Variants in PTK2B observed in about 807,000 individuals in gnomAD.
PTK2B encodes protein tyrosine kinase 2 beta.
PTK2B carries 71 observed loss-of-function variants against 142.9 expected under a neutral mutation model. That is an observed-to-expected ratio of 0.50 (90% CI 0.41 to 0.61). The LOEUF is 0.61. Among genes scored for constraint, PTK2B ranks in the 20% least tolerant of loss-of-function variants. The pLI is 0.00. For synonymous variants in PTK2B, 519 were observed against 503.4 expected (o/e 1.03, Z -0.42); for missense variants, 1,105 against 1,320.4 (o/e 0.84, Z 2.53).
intron 1 of PTK2B, among the ~76,000 whole-genome samples, chr8:27,377,375 C>T (rs900168416): frequency 6.6e-6 from 1 of 152,216 alleles, no homozygotes; most frequent in African/African-American, 2.4e-5. Flanking sequence ...ATAGTGCTAA[C>T]ATGCCCAATT....
In PTK2B at chr8:27,353,335, T is replaced by C. The variant is rs115160919; in HGVS notation, c.-38+27654T>C. ...CAGGCTAGTCAGTCACCCTTGGCTT[T>C]GGGATGGCACTCCTTGTCCAAGAAA... On this transcript the variant is annotated intron_variant, in intron 1 of 30. Transcript: ENST00000346049. Among the ~76,000 whole-genome samples the C allele has an allele frequency of 4.9e-3, 740 of 152,254 alleles. 5 individuals carry two copies. The highest frequency in any genetic ancestry group is 0.017 in the African/African-American group (713 of 41,528).
In PTK2B at chr8:27,451,131, G is replaced by A. The variant is rs558082524; in HGVS notation, c.2523+53G>A. The A allele has an allele frequency of 2.6e-4, 408 of 1,576,664 alleles. 2 individuals carry two copies. Among genetic ancestry groups the A allele is most frequent in the Middle Eastern group, 2.4e-3 (14 of 5,918 alleles). ...CCATGCCAAGGCCTGGGAAGGCCTC[G>A]CCCACCATAGGACCCCCCGCCCAAC... On this transcript the variant is annotated intron_variant, in intron 26 of 30. Transcript: ENST00000346049.
intron 1 of PTK2B, among the ~76,000 whole-genome samples, chr8:27,338,719 A>G (rs926903516): frequency 5.3e-5 from 8 of 152,358 alleles, no homozygotes; most frequent in African/African-American, 1.9e-4. Context: ...AAAATAAGAT[A>G]ATTGAGAAAG....
intron 1 of PTK2B, among the ~76,000 whole-genome samples, chr8:27,328,572 GT>G (rs1398788276): frequency 6.6e-6 from 1 of 152,208 alleles, no homozygotes. Context: ...CCCTTGGATT[GT>G]TTGCCCAGGT....
chr8:27,420,298 C>T (rs1189183264), intron 3 of PTK2B, among the ~76,000 whole-genome samples: 3 of 152,050 alleles, frequency 2.0e-5, no homozygotes, highest in Middle Eastern at 6.8e-3. Flanking sequence ...CTAAAGGTAA[C>T]CCTAAACGGG....
At chr8:27,441,565 A>G (rs2132258006) in intron 21 of PTK2B, among the ~76,000 whole-genome samples, 1 of 152,342 alleles carries the variant, frequency 6.6e-6, no homozygotes, top group African/African-American at 2.4e-5. Context: ...GATGCCAGCA[A>G]TGCCCAGGCC....
At chr8:27,372,524 G>T (rs1283189481) in intron 1 of PTK2B, among the ~76,000 whole-genome samples, 1 of 152,160 alleles carries the variant, frequency 6.6e-6, no homozygotes, top group Non-Finnish European at 1.5e-5. Context: ...ATTCTCGTTA[G>T]GGAGGTCGAT....
chr8:27,359,455 A>C (rs1183559255), intron 1 of PTK2B, among the ~76,000 whole-genome samples: 1 of 152,144 alleles, frequency 6.6e-6, no homozygotes, highest in Non-Finnish European at 1.5e-5. Flanking sequence ...TATTCCATTT[A>C]CTTCAGTTCT....
chr8:27,423,148 A>G (rs756924248), intron 5 of PTK2B, among the ~76,000 whole-genome samples: 5 of 152,230 alleles, frequency 3.3e-5, no homozygotes, highest in African/African-American at 7.2e-5. Flanking sequence ...TGATATCATT[A>G]GAATGACATT....
intron 5 of PTK2B, among the ~76,000 whole-genome samples, chr8:27,425,217 A>G (rs944545354): frequency 9.9e-5 from 15 of 151,466 alleles, no homozygotes; most frequent in African/African-American, 3.6e-4. Context: ...TTATGTTACT[A>G]TTGTATAGTA....
intron 1 of PTK2B, among the ~76,000 whole-genome samples, chr8:27,337,761 T>G (rs192159894): frequency 6.6e-6 from 1 of 152,376 alleles, no homozygotes; most frequent in African/African-American, 2.4e-5. Flanking sequence ...TTTGTTTATC[T>G]CTTCATTAGT....
At chr8:27,444,767 CTG>C (rs890393710) in intron 23 of PTK2B, among the ~76,000 whole-genome samples, 6 of 152,202 alleles carry the variant, frequency 3.9e-5, no homozygotes, top group Admixed American at 3.9e-4. Flanking sequence ...TGTCTCTGTT[CTG>C]TGTCTCTCTT....
At chr8:27,327,156 G>A (rs1586081843) in intron 1 of PTK2B, among the ~76,000 whole-genome samples, 1 of 152,160 alleles carries the variant, frequency 6.6e-6, no homozygotes, top group Non-Finnish European at 1.5e-5. Flanking sequence ...AGCAGCGGGC[G>A]GCATCCAGGA....
Position 27,436,228 on chromosome 8 carries a change from GACT to G in PTK2B, c.1244-22_1244-20del. On this transcript the variant is annotated intron_variant, in intron 14 of 30. Transcript: ENST00000346049. Reference sequence around the variant, plus strand: ...GATACCACCGATCTCTGTGATCTGCGACTGTTTTCTCTGTCTGTGCAGGTCCAC... The same window carrying G: ...GATACCACCGATCTCTGTGATCTGCGGTTTTCTCTGTCTGTGCAGGTCCAC... The G allele has an allele frequency of 6.2e-7, 1 of 1,611,066 alleles. No individual in the cohort carries two copies. The highest frequency in any genetic ancestry group is 8.5e-7 in the Non-Finnish European group (1 of 1,177,538).
In PTK2B at chr8:27,440,434, A is replaced by C; in HGVS notation, c.2032A>C (p.Ser678Arg). The C allele has an allele frequency of 6.2e-7, 1 of 1,613,686 alleles. No homozygotes were observed. Among genetic ancestry groups the C allele is most frequent in the Non-Finnish European group, 8.5e-7 (1 of 1,179,992 alleles). The stretch of plus-strand genomic sequence containing the variant: ...GCCCCGCTTCACCGAGCTGGTGTGC[A>C]GCCTCAGGTGAGCATGGAGTGTGGG... ...DRPRFTELVCSLSDVYQMEKD... is the reference protein window; with the variant it reads ...DRPRFTELVCRLSDVYQMEKD... Residue 678 changes from serine (S) to arginine (R), a missense_variant, in exon 21 of 31, where the codon AGC (serine) becomes CGC (arginine). Transcript: ENST00000346049.
intron 3 of PTK2B, among the ~76,000 whole-genome samples, chr8:27,320,329 G>A (rs990998664): frequency 5.3e-5 from 8 of 152,078 alleles, no homozygotes; most frequent in African/African-American, 1.9e-4. Flanking sequence ...AACACTGAGC[G>A]TCCCATAATT....
chr8:27,432,810 C>T (rs1007271142), intron 10 of PTK2B, among the ~76,000 whole-genome samples: 1 of 152,020 alleles, frequency 6.6e-6, no homozygotes, highest in African/African-American at 2.4e-5. Context: ...GCCCCATTGC[C>T]TCCCCTTCCT....
chr8:27,451,658 A>G, intron 27 of PTK2B, 149 bp downstream of exon 27: 1 of 1,497,346 alleles, frequency 6.7e-7, no homozygotes, highest in Non-Finnish European at 9.0e-7. Context: ...CATGTGGGGC[A>G]GGCCAGCTTC....
chr8:27,419,792 C>T, intron 2 of PTK2B, 103 bp from the exon 3 acceptor site: 1 of 1,263,790 alleles, frequency 7.9e-7, no homozygotes, highest in East Asian at 2.5e-5. Context: ...AACATGAAGA[C>T]AGAATCCCAC....
Sources: gnomAD v4.1 joint callset for allele counts (sites outside exome capture counted in the v4.1 genomes callset) on GRCh38, gnomAD v4.1.1 for gene constraint, MANE v1.5 for transcripts, NCBI Gene and HGNC (gene_info 2026-07-23, HGNC 2026-07-21) for gene names.